The following TEAD1 variants were observed in gnomAD, a reference collection of about 807,000 sequenced individuals.
TEAD1 encodes the protein TEA domain transcription factor 1.
A neutral mutation model predicts 54.9 loss-of-function variants in TEAD1; 9 were observed. The ratio of observed to expected loss-of-function variants is 0.16; its 90% CI spans 0.10 to 0.29. TEAD1 has a LOEUF of 0.29. Among genes scored for constraint, TEAD1 ranks in the 10% least tolerant of loss-of-function variants. The probability of loss-of-function intolerance (pLI) is 1.00; values close to 1 mark genes in which losing one functional copy is unlikely to be tolerated. For synonymous variants in TEAD1, 200 were observed against 187.8 expected, an observed-to-expected ratio of 1.07 and a Z score of -0.53; for missense variants, 387 against 535.9, an observed-to-expected ratio of 0.72 and a Z score of 2.74.
chr11:12,880,778 T>G (rs745328690), intron 6 of TEAD1, among the ~76,000 whole-genome samples: 6 of 152,216 alleles, frequency 3.9e-5, no homozygotes, highest in Non-Finnish European at 5.9e-5. Context: ...GCGTCTGCCC[T>G]TGGGGGCATT....
In TEAD1 at chr11:12,764,154, T is replaced by C. The variant is rs1945155925; in HGVS notation, c.-54-25T>C. ...TATGTTTGTGGTTACCACATCCTTA[T>C]ACTGTTTTTGGTTTTCTCTTCTAGG... On this transcript the variant is annotated intron_variant, in intron 2 of 12. Transcript: ENST00000527636. The C allele has an allele frequency of 4.8e-6, 7 of 1,469,428 alleles. No homozygotes were observed. In the South Asian group the frequency reaches 7.7e-5, roughly 16 times the overall value. The allele number at this position is 1,469,428 out of a possible 1,614,324, so 91.0% of individuals were successfully genotyped here. A position where few individuals can be genotyped will look rare whatever the true frequency, so the allele number is the denominator to read the frequency against.
At chr11:12,903,986 A>T (rs1948469372) in intron 10 of TEAD1, among the ~76,000 whole-genome samples, 1 of 152,206 alleles carries the variant, frequency 6.6e-6, no homozygotes, top group Admixed American at 6.5e-5. Flanking sequence ...ATATGGTAAC[A>T]GGGTAGCTTT....
intron 2 of TEAD1, among the ~76,000 whole-genome samples, chr11:12,689,683 T>A (rs1943412734): frequency 6.6e-6 from 1 of 152,074 alleles, no homozygotes. Context: ...TATTTTTATT[T>A]TAGATTTTCA....
At chr11:12,693,421 G>A (rs904283333) in intron 2 of TEAD1, among the ~76,000 whole-genome samples, 1 of 152,210 alleles carries the variant, frequency 6.6e-6, no homozygotes, top group African/African-American at 2.4e-5. Context: ...TAAGCTACAT[G>A]CTTCTGTACA....
intron 3 of TEAD1, among the ~76,000 whole-genome samples, chr11:12,779,818 G>GA (rs967568545): frequency 2.6e-5 from 4 of 152,032 alleles, no homozygotes; most frequent in Admixed American, 1.3e-4. Context: ...ATAGAGTGAA[G>GA]AAAAAACCAC....
intron 2 of TEAD1, among the ~76,000 whole-genome samples, chr11:12,733,353 G>T (rs757307885): frequency 6.6e-6 from 1 of 152,180 alleles, no homozygotes; most frequent in Non-Finnish European, 1.5e-5. Context: ...TGGATTTCCA[G>T]GCATGCAGCA....
chr11:12,788,929 G>A (rs1180094053), intron 3 of TEAD1, among the ~76,000 whole-genome samples: 1 of 152,160 alleles, frequency 6.6e-6, no homozygotes, highest in African/African-American at 2.4e-5. Flanking sequence ...AAGAGATGGG[G>A]TTTAGAGATG....
At chr11:12,854,700 T>G (rs1947337281) in intron 3 of TEAD1, among the ~76,000 whole-genome samples, 1 of 151,858 alleles carries the variant, frequency 6.6e-6, no homozygotes, top group South Asian at 2.1e-4. Flanking sequence ...CAAGCAATCC[T>G]CCTGCTTCAG....
chr11:12,817,737 T>C (rs1946445203), intron 3 of TEAD1, among the ~76,000 whole-genome samples: 1 of 152,134 alleles, frequency 6.6e-6, no homozygotes, highest in South Asian at 2.1e-4. Context: ...CTATAAAGAA[T>C]GAGAATTGTT....
intron 3 of TEAD1, among the ~76,000 whole-genome samples, chr11:12,828,740 C>T (rs1409463666): frequency 6.2e-5 from 9 of 145,382 alleles, no homozygotes; most frequent in African/African-American, 1.8e-4. Flanking sequence ...TTTCCTAACT[C>T]ACTTTTCCTT....
At chr11:12,752,793 C>T (rs1944901327) in intron 2 of TEAD1, among the ~76,000 whole-genome samples, 1 of 151,270 alleles carries the variant, frequency 6.6e-6, no homozygotes, top group Non-Finnish European at 1.5e-5. Flanking sequence ...TGTCTAGTGC[C>T]TACTGCATTG....
At chr11:12,791,936 A>G (rs1225597651) in intron 3 of TEAD1, among the ~76,000 whole-genome samples, 2 of 152,246 alleles carry the variant, frequency 1.3e-5, no homozygotes, top group Non-Finnish European at 1.5e-5. Context: ...ATATGATTAC[A>G]GAAACCTGAA....
At chr11:12,756,809 A>G (rs1378073174) in intron 2 of TEAD1, among the ~76,000 whole-genome samples, 1 of 152,206 alleles carries the variant, frequency 6.6e-6, no homozygotes, top group African/African-American at 2.4e-5. Flanking sequence ...GGTGGGGATA[A>G]TACTAAAGGG....
chr11:12,915,525 A>G (rs1377346687), intron 10 of TEAD1, among the ~76,000 whole-genome samples: 15 of 152,226 alleles, frequency 9.9e-5, no homozygotes. Context: ...TTTACTGCCA[A>G]AAGGCAAAAA....
intron 2 of TEAD1, among the ~76,000 whole-genome samples, chr11:12,732,530 A>G (rs1944445037): frequency 6.6e-6 from 1 of 152,194 alleles, no homozygotes; most frequent in African/African-American, 2.4e-5. Context: ...GCTTCCAGTG[A>G]GGAGGAAGAG....
intron 2 of TEAD1, among the ~76,000 whole-genome samples, chr11:12,746,615 C>T (rs992874785): frequency 7.9e-5 from 12 of 152,224 alleles, no homozygotes; most frequent in African/African-American, 2.9e-4. Context: ...ACCAAGTCCT[C>T]TTTGACACAT....
Position 12,842,150 on chromosome 11 carries a change from A to G in TEAD1, c.203-20100A>G, listed in dbSNP as rs911452468. Among the ~76,000 whole-genome samples the G allele has an allele frequency of 2.0e-5, 3 of 151,918 alleles. No individual in the cohort carries two copies. In the South Asian group the frequency reaches 6.2e-4, roughly 31 times the overall value. ...GATATATAGCTTGTCATAACACATT[A>G]TAATATTACAGCAAATGTATTTAAC... On this transcript the variant is annotated intron_variant, in intron 3 of 12. Coordinates refer to ENST00000527636, the MANE Select transcript of TEAD1 (RefSeq NM_021961.6).
At chr11:12,696,192 TTGTG>T (rs908090526) in intron 2 of TEAD1, among the ~76,000 whole-genome samples, 1 of 152,206 alleles carries the variant, frequency 6.6e-6, no homozygotes, top group Non-Finnish European at 1.5e-5. Context: ...GTCATGTACA[TTGTG>T]TGTGTTTTTT....
chr11:12,744,508 C>T (rs982900408), intron 2 of TEAD1, among the ~76,000 whole-genome samples: 2 of 151,952 alleles, frequency 1.3e-5, no homozygotes, highest in Non-Finnish European at 2.9e-5. Context: ...GCAATAAAAA[C>T]CTAAAGCTGT....
Sources: allele counts gnomAD v4.1 joint callset (sites outside exome capture counted in the v4.1 genomes callset), GRCh38; gene constraint gnomAD v4.1.1; transcripts MANE v1.5; gene names NCBI Gene and HGNC (gene_info 2026-07-23, HGNC 2026-07-21).